MTSS1: variants seen among roughly 807,000 people sequenced by gnomAD.
The protein encoded by MTSS1 is MTSS I-BAR domain containing 1.
Under a neutral mutation model 79.0 loss-of-function variants are expected in MTSS1, and 18 were observed. The ratio of observed to expected loss-of-function variants is 0.23; its 90% CI spans 0.16 to 0.34. MTSS1 has a LOEUF of 0.34. Ranked by LOEUF, MTSS1 falls within the 10% of genes least tolerant of loss-of-function variation. The pLI, the probability that MTSS1 is intolerant of heterozygous loss-of-function variation, is 1.00. For missense variants in MTSS1, 815 were observed against 986.2 expected, an observed-to-expected ratio of 0.83 and a Z score of 2.33; for synonymous variants, 341 against 368.6, an observed-to-expected ratio of 0.93 and a Z score of 0.86.
rs1588026597 is a variant in MTSS1, at chr8:124,727,495, A to C, written c.72+389T>G. 25 of 451,418 alleles carry C rather than the reference A, an allele frequency of 5.5e-5. No individual in the cohort carries two copies. The highest frequency in any genetic ancestry group is 1.0e-4 in the African/African-American group (5 of 49,458). The allele number at this position is 451,418 out of a possible 1,614,324, so 28.0% of individuals were successfully genotyped here. On this transcript the variant is annotated intron_variant, in intron 1 of 13. Coordinates refer to ENST00000518547, the MANE Select transcript of MTSS1 (RefSeq NM_014751.6). This position sits in a 1 kb window ranked among gnomAD's most constrained non-coding sequence, Gnocchi z 4.7. The stretch of plus-strand genomic sequence containing the variant: ...CCCCACCACCGCGCCAGGCGCCCCC[A>C]CCCCGTGCCCGGAGGAATCAGGTGT...
chr8:124,723,265 G>A (rs1833206859), intron 1 of MTSS1, among the ~76,000 whole-genome samples: 1 of 152,180 alleles, frequency 6.6e-6, no homozygotes, highest in Admixed American at 6.5e-5. Flanking sequence ...TTTGGTGCCT[G>A]AAACACCACT....
chr8:124,699,712 TAACTC>T (rs1348275932), intron 2 of MTSS1, 113 bp from the exon 3 acceptor site: 2 of 935,796 alleles, frequency 2.1e-6, no homozygotes, highest in East Asian at 5.2e-5. Flanking sequence ...CCTCCAGAAA[TAACTC>T]AACTGAGCAT....
At chr8:124,660,432 G>GCGCA (rs1554703690) in intron 3 of MTSS1, among the ~76,000 whole-genome samples, 2 of 140,706 alleles carry the variant, frequency 1.4e-5, no homozygotes, top group Non-Finnish European at 3.1e-5. Context: ...CCATGCGCAT[G>GCGCA]CACACACACA....
chr8:124,701,451 T>C (rs1397006204), intron 2 of MTSS1, among the ~76,000 whole-genome samples: 1 of 152,200 alleles, frequency 6.6e-6, no homozygotes, highest in Non-Finnish European at 1.5e-5. Context: ...TTAAAAATAA[T>C]GACATACATG....
chr8:124,678,886 ACACACAGGC>A (rs1825716154), intron 3 of MTSS1, among the ~76,000 whole-genome samples: 1 of 152,258 alleles, frequency 6.6e-6, no homozygotes, highest in African/African-American at 2.4e-5. Context: ...TTCAGCAGAA[ACACACAGGC>A]ATGCCTAACA....
intron 13 of MTSS1, among the ~76,000 whole-genome samples, chr8:124,555,075 A>G (rs1311393495): frequency 6.6e-6 from 1 of 152,206 alleles, no homozygotes; most frequent in African/African-American, 2.4e-5. Flanking sequence ...GAACTTCTGC[A>G]GCTCAAGCAA....
At chr8:124,559,112 C>T (rs977316439) in intron 10 of MTSS1, among the ~76,000 whole-genome samples, 5 of 152,172 alleles carry the variant, frequency 3.3e-5, no homozygotes, top group African/African-American at 9.7e-5. Flanking sequence ...CCCAAGGACA[C>T]GGATTTGTGT....
intron 6 of MTSS1, chr8:124,577,593 T>C (rs1046985646): frequency 3.9e-6 from 2 of 518,876 alleles, no homozygotes; most frequent in African/African-American, 3.9e-5. Flanking sequence ...CAGGGGCAGC[T>C]TTCTGATGGT....
At chr8:124,595,750 C>A (rs1832649153) in intron 3 of MTSS1, among the ~76,000 whole-genome samples, 2 of 152,168 alleles carry the variant, frequency 1.3e-5, no homozygotes, top group Non-Finnish European at 2.9e-5. Flanking sequence ...ATCTTTGGGG[C>A]ATCCTTATCA....
At chr8:124,588,291 G>T (rs1202771602) in intron 5 of MTSS1, among the ~76,000 whole-genome samples, 1 of 152,194 alleles carries the variant, frequency 6.6e-6, no homozygotes, top group Non-Finnish European at 1.5e-5. Context: ...CTTCATTGCA[G>T]TCTTCTACTT....
chr8:124,639,399 G>A (rs1307601484), intron 3 of MTSS1, among the ~76,000 whole-genome samples: 1 of 152,106 alleles, frequency 6.6e-6, no homozygotes, highest in African/African-American at 2.4e-5. Flanking sequence ...AAAAATTTAA[G>A]TGGTTCCTAT....
chr8:124,660,471 C>CACACAA (rs1343208565), intron 3 of MTSS1, among the ~76,000 whole-genome samples: 4 of 150,268 alleles, frequency 2.7e-5, no homozygotes, highest in African/African-American at 1.0e-4. Context: ...CACACACACA[C>CACACAA]ACCCTCAAGC....
chr8:124,637,867 T>C (rs772122166), intron 3 of MTSS1, among the ~76,000 whole-genome samples: 23 of 152,260 alleles, frequency 1.5e-4, no homozygotes, highest in Admixed American at 3.9e-4. Context: ...GTGTAAAAGT[T>C]GCTATGGGAA....
chr8:124,620,161 T>C (rs1813218140), intron 3 of MTSS1, among the ~76,000 whole-genome samples: 1 of 152,068 alleles, frequency 6.6e-6, no homozygotes, highest in Admixed American at 6.6e-5. Flanking sequence ...GTCAGGCTGG[T>C]CTCAGAACTC....
chr8:124,611,908 C>T (rs952461293), intron 3 of MTSS1, among the ~76,000 whole-genome samples: 2 of 152,184 alleles, frequency 1.3e-5, no homozygotes, highest in Non-Finnish European at 2.9e-5. Context: ...CACCTGTGAA[C>T]AGGGACCTCC....
At chr8:124,641,962 A>ATT (rs5894718) in intron 3 of MTSS1, among the ~76,000 whole-genome samples, 16 of 152,054 alleles carry the variant, frequency 1.1e-4, no homozygotes, top group East Asian at 3.9e-4. Flanking sequence ...AATAAGTGTG[A>ATT]TTTTTTTTCA....
At chr8:124,599,658 C>T (rs117653260) in intron 3 of MTSS1, among the ~76,000 whole-genome samples, 397 of 152,080 alleles carry the variant, frequency 2.6e-3, no homozygotes, top group Non-Finnish European at 4.5e-3. Context: ...AAAACAGATA[C>T]ACACCAAAAA....
intron 6 of MTSS1, among the ~76,000 whole-genome samples, chr8:124,584,854 C>T (rs1226458319): frequency 2.6e-5 from 4 of 152,188 alleles, no homozygotes; most frequent in Non-Finnish European, 2.9e-5. Flanking sequence ...AACTGTCAAA[C>T]TTGGAAGACA....
Position 124,727,529 on chromosome 8 carries a change from G to A in MTSS1, c.72+355C>T, listed in dbSNP as rs767240687. On this transcript the variant is annotated intron_variant, in intron 1 of 13. Coordinates refer to ENST00000518547, the MANE Select transcript of MTSS1 (RefSeq NM_014751.6). This position sits in a 1 kb window ranked among gnomAD's most constrained non-coding sequence, Gnocchi z 4.7. ...CCGGAGGAATCAGGTGTCCTCCCGG[G>A]CATCCAGCCCCCGCGGGTCCCAGAC... The A allele has an allele frequency of 2.1e-6, 1 of 475,356 alleles. No homozygotes were observed. The highest frequency in any genetic ancestry group is 1.5e-5 in the South Asian group (1 of 64,564). The allele number at this position is 475,356 out of a possible 1,614,324, so 29.4% of individuals were successfully genotyped here.
Sources: gnomAD v4.1 joint callset for allele counts (sites outside exome capture counted in the v4.1 genomes callset) on GRCh38, gnomAD v4.1.1 for gene constraint, Gnocchi (gnomAD v3.1) non-coding constraint, MANE v1.5 for transcripts, NCBI Gene and HGNC (gene_info 2026-07-23, HGNC 2026-07-21) for gene names.